Variants in NDUFAF2 observed in about 807,000 individuals in gnomAD.
NDUFAF2 encodes NADH dehydrogenase [ubiquinone] 1 alpha subcomplex assembly factor 2.
In NDUFAF2, 13 loss-of-function variants were observed where a neutral mutation model predicts 22.8. The ratio of observed to expected loss-of-function variants is 0.57; its 90% CI spans 0.37 to 0.91. The LOEUF (loss-of-function observed/expected upper bound fraction) is 0.91. NDUFAF2 is among the 40% of genes least tolerant of loss of function. NDUFAF2 has a pLI of 0.01. For missense variants in NDUFAF2, 162 were observed against 195.2 expected (o/e 0.83, Z 1.01); for synonymous variants, 53 against 64.2 (o/e 0.83, Z 0.84).
In NDUFAF2 at chr5:61,133,709, T is replaced by G. The variant is rs527263940; in HGVS notation, c.259-18995T>G. On this transcript the variant is annotated intron_variant, in intron 3 of 3. Coordinates refer to ENST00000296597, the MANE Select transcript of NDUFAF2 (RefSeq NM_174889.5). Reference sequence around the variant, plus strand: ...TTATCAGTCAACAGTGATTGCCCTCTCAGATGGTCTACTAAAAAGGAAACC... The same window carrying G: ...TTATCAGTCAACAGTGATTGCCCTCGCAGATGGTCTACTAAAAAGGAAACC... Among the ~76,000 whole-genome samples, 3 of 152,300 alleles carry G rather than the reference T, an allele frequency of 2.0e-5. No individual in the cohort carries two copies. In the East Asian group the frequency reaches 5.8e-4, roughly 29 times the overall value.
chr5:61,009,238 G>A (rs1365906998), intron 1 of NDUFAF2, among the ~76,000 whole-genome samples: 1 of 152,046 alleles, frequency 6.6e-6, no homozygotes, highest in Non-Finnish European at 1.5e-5. Flanking sequence ...AATAAGTTGA[G>A]GGAACAATTT....
intron 3 of NDUFAF2, among the ~76,000 whole-genome samples, chr5:61,129,176 C>G (rs188471340): frequency 6.6e-6 from 1 of 152,066 alleles, no homozygotes. Context: ...AGAAATAGAA[C>G]AGTTTTACAC....
At chr5:61,032,076 T>C (rs1751734861) in intron 1 of NDUFAF2, among the ~76,000 whole-genome samples, 1 of 152,216 alleles carries the variant, frequency 6.6e-6, no homozygotes, top group Non-Finnish European at 1.5e-5. Flanking sequence ...ATGAGGTTTT[T>C]GTTTTTTTCT....
At chr5:60,964,658 G>A (rs1194685399) in intron 1 of NDUFAF2, among the ~76,000 whole-genome samples, 1 of 151,974 alleles carries the variant, frequency 6.6e-6, no homozygotes, top group Non-Finnish European at 1.5e-5. Flanking sequence ...CACCATGTTG[G>A]TCAGGCTGGT....
intron 3 of NDUFAF2, among the ~76,000 whole-genome samples, chr5:61,121,204 A>G (rs1380655096): frequency 3.9e-5 from 6 of 152,092 alleles, no homozygotes; most frequent in African/African-American, 1.2e-4. Flanking sequence ...TAGGCATTTT[A>G]TATATTTTTC....
intron 2 of NDUFAF2, among the ~76,000 whole-genome samples, chr5:61,094,308 TC>T (rs1283693593): frequency 2.0e-5 from 3 of 152,216 alleles, no homozygotes; most frequent in Admixed American, 6.5e-5. Context: ...ATTATGAAAT[TC>T]TTGTATTATG....
intron 2 of NDUFAF2, among the ~76,000 whole-genome samples, chr5:61,081,036 A>G (rs891484834): frequency 3.3e-5 from 5 of 152,060 alleles, no homozygotes; most frequent in Admixed American, 2.0e-4. Flanking sequence ...TATCTGTTTC[A>G]TGTTTTTTAT....
chr5:61,047,553 T>G (rs546382510), intron 1 of NDUFAF2, among the ~76,000 whole-genome samples: 1 of 152,318 alleles, frequency 6.6e-6, no homozygotes, highest in Admixed American at 6.5e-5. Flanking sequence ...CAGCAATTTC[T>G]GAACCAGCCA....
chr5:61,144,251 T>C (rs1294562802), intron 3 of NDUFAF2, among the ~76,000 whole-genome samples: 1 of 152,088 alleles, frequency 6.6e-6, no homozygotes, highest in Non-Finnish European at 1.5e-5. Flanking sequence ...GAATTCTCAG[T>C]TGACTAGGTT....
chr5:61,100,791 C>G (rs149082906), intron 3 of NDUFAF2, among the ~76,000 whole-genome samples: 1 of 152,218 alleles, frequency 6.6e-6, no homozygotes, highest in African/African-American at 2.4e-5. Flanking sequence ...TTCTTGCTTC[C>G]CCAAATAGTC....
chr5:60,960,354 A>G (rs963396506), intron 1 of NDUFAF2, among the ~76,000 whole-genome samples: 2 of 152,198 alleles, frequency 1.3e-5, no homozygotes, highest in Admixed American at 6.5e-5. Context: ...GAATATAATA[A>G]ATGAGGGAAA....
intron 1 of NDUFAF2, among the ~76,000 whole-genome samples, chr5:61,008,568 C>G (rs1751403234): frequency 6.6e-6 from 1 of 152,056 alleles, no homozygotes; most frequent in Non-Finnish European, 1.5e-5. Flanking sequence ...ATTTCATTCC[C>G]TATAAAATGC....
intron 1 of NDUFAF2, among the ~76,000 whole-genome samples, chr5:60,956,540 G>T (rs1750618233): frequency 6.6e-6 from 1 of 152,076 alleles, no homozygotes; most frequent in Admixed American, 6.5e-5. Flanking sequence ...CTGACACTAA[G>T]AATTTTTATC....
At chr5:60,953,409 T>C (rs1750573604) in intron 1 of NDUFAF2, among the ~76,000 whole-genome samples, 3 of 152,160 alleles carry the variant, frequency 2.0e-5, no homozygotes, top group Non-Finnish European at 4.4e-5. Context: ...TGAAGGTTTT[T>C]TCAGACATAC....
chr5:61,130,402 C>G (rs775444434), intron 3 of NDUFAF2, among the ~76,000 whole-genome samples: 1 of 152,070 alleles, frequency 6.6e-6, no homozygotes, highest in Non-Finnish European at 1.5e-5. Context: ...CATCAAAATT[C>G]TTGAGAAACA....
chr5:60,994,054 C>T (rs933946610), intron 1 of NDUFAF2, among the ~76,000 whole-genome samples: 2 of 152,380 alleles, frequency 1.3e-5, no homozygotes, highest in Non-Finnish European at 1.5e-5. Context: ...CAGTCCCCCA[C>T]GGCTTCCCTC....
At chr5:61,150,085 C>T (rs1741208249) in intron 3 of NDUFAF2, among the ~76,000 whole-genome samples, 1 of 152,140 alleles carries the variant, frequency 6.6e-6, no homozygotes. Flanking sequence ...GCATGTGCCA[C>T]AATGCACAGC....
At chr5:61,134,912 G>T (rs997249559) in intron 3 of NDUFAF2, among the ~76,000 whole-genome samples, 7 of 151,816 alleles carry the variant, frequency 4.6e-5, no homozygotes, top group African/African-American at 1.7e-4. Flanking sequence ...TCCCAATTCA[G>T]TGAGTATATT....
intron 1 of NDUFAF2, among the ~76,000 whole-genome samples, chr5:61,029,612 A>G (rs1233771907): frequency 6.6e-6 from 1 of 152,106 alleles, no homozygotes; most frequent in Non-Finnish European, 1.5e-5. Context: ...TTTTTGAAGT[A>G]CTATTGTTGA....
Sources: allele counts gnomAD v4.1 joint callset (sites outside exome capture counted in the v4.1 genomes callset), GRCh38; gene constraint gnomAD v4.1.1; transcripts MANE v1.5; gene names NCBI Gene and HGNC (gene_info 2026-07-23, HGNC 2026-07-21).